NKAIN3: variants seen among roughly 807,000 people sequenced by gnomAD.
NKAIN3 encodes sodium/potassium-transporting ATPase subunit beta-1-interacting protein 3.
Under a neutral mutation model 30.2 loss-of-function variants are expected in NKAIN3, and 25 were observed. The ratio of observed to expected loss-of-function variants is 0.83; its 90% CI spans 0.60 to 1.16. NKAIN3 has a LOEUF of 1.16. NKAIN3 is among the 50% of genes most tolerant of loss of function. The probability of loss-of-function intolerance (pLI) is 0.00; values close to 1 mark genes in which losing one functional copy is unlikely to be tolerated. For synonymous variants in NKAIN3, 91 were observed against 89.6 expected (o/e 1.02, Z -0.09); for missense variants, 225 against 254.1 (o/e 0.89, Z 0.78).
intron 4 of NKAIN3, among the ~76,000 whole-genome samples, chr8:62,829,650 AT>A (rs1232923363): frequency 6.6e-6 from 1 of 152,158 alleles, no homozygotes; most frequent in Non-Finnish European, 1.5e-5. Flanking sequence ...CTGTGATTTT[AT>A]GATTTTTGAC....
chr8:62,528,350 T>TTATATA (rs56144773), intron 1 of NKAIN3, among the ~76,000 whole-genome samples: 1 of 137,396 alleles, frequency 7.3e-6, no homozygotes. Flanking sequence ...AATATATATA[T>TTATATA]ATATGACTTT....
At chr8:62,653,682 G>A (rs1545793) in intron 3 of NKAIN3, among the ~76,000 whole-genome samples, 71,728 of 151,986 alleles carry the variant, frequency 0.47, 19,598 homozygotes, top group African/African-American at 0.76. Context: ...GGATGGCATC[G>A]AAGCAGGGTC....
chr8:62,920,251 G>C (rs1358872201), intron 5 of NKAIN3, among the ~76,000 whole-genome samples: 1 of 152,140 alleles, frequency 6.6e-6, no homozygotes, highest in Non-Finnish European at 1.5e-5. Flanking sequence ...ACCTACTTTT[G>C]AGTAGTTATC....
At chr8:62,353,081 A>G (rs1816232459) in intron 1 of NKAIN3, among the ~76,000 whole-genome samples, 1 of 152,180 alleles carries the variant, frequency 6.6e-6, no homozygotes, top group Non-Finnish European at 1.5e-5. Context: ...AAAACTACAA[A>G]GCCTCAGTGT....
At chr8:62,672,879 C>T (rs1444579288) in intron 3 of NKAIN3, among the ~76,000 whole-genome samples, 1 of 152,014 alleles carries the variant, frequency 6.6e-6, no homozygotes, top group Non-Finnish European at 1.5e-5. Flanking sequence ...TCCTATATAC[C>T]ATGTAAATGT....
intron 1 of NKAIN3, among the ~76,000 whole-genome samples, chr8:62,574,989 A>G (rs1810065058): frequency 6.6e-6 from 1 of 152,124 alleles, no homozygotes. Context: ...TAAAAGCCAT[A>G]TACAATGGAC....
At chr8:62,408,873 C>A (rs1359918451) in intron 1 of NKAIN3, among the ~76,000 whole-genome samples, 1 of 152,112 alleles carries the variant, frequency 6.6e-6, no homozygotes, top group Non-Finnish European at 1.5e-5. Flanking sequence ...CCATTAGTCA[C>A]AAATTAGTCA....
Position 62,345,472 on chromosome 8 carries a change from T to C in NKAIN3, c.54+96345T>C, listed in dbSNP as rs897672439. On this transcript the variant is annotated intron_variant, in intron 1 of 6. Transcript: ENST00000623646. ...ACACATATGTATATATACACATATA[T>C]ACACATATATGTATATATACACACA... 2.3e-4 allele frequency among the ~76,000 whole-genome samples: 28 copies of C among 123,828 alleles called. 2 individuals are homozygous for C. The highest frequency in any genetic ancestry group is 7.0e-4 in the East Asian group (3 of 4,266). The allele number at this position is 123,828 out of a possible 152,430, so 81.2% of individuals were successfully genotyped here.
intron 3 of NKAIN3, among the ~76,000 whole-genome samples, chr8:62,598,548 G>A (rs968973146): frequency 6.6e-6 from 1 of 152,034 alleles, no homozygotes; most frequent in Non-Finnish European, 1.5e-5. Flanking sequence ...CAGACATCCT[G>A]GTATAAGAGG....
At chr8:62,329,941 G>A (rs999988270) in intron 1 of NKAIN3, among the ~76,000 whole-genome samples, 4 of 152,058 alleles carry the variant, frequency 2.6e-5, no homozygotes, top group African/African-American at 9.7e-5. Flanking sequence ...TACTAGCTCA[G>A]TGAAACTGGT....
At chr8:62,510,651 G>A (rs1807789121) in intron 1 of NKAIN3, among the ~76,000 whole-genome samples, 1 of 152,176 alleles carries the variant, frequency 6.6e-6, no homozygotes, top group South Asian at 2.1e-4. Flanking sequence ...GAATGTGGAA[G>A]TGAATAAGAA....
chr8:62,498,946 C>T (rs1470703436), intron 1 of NKAIN3, among the ~76,000 whole-genome samples: 1 of 152,140 alleles, frequency 6.6e-6, no homozygotes, highest in Non-Finnish European at 1.5e-5. Context: ...TTATTTATAT[C>T]TGATAAGAGT....
At chr8:62,930,545 C>T (rs1418000543) in intron 5 of NKAIN3, among the ~76,000 whole-genome samples, 8 of 152,072 alleles carry the variant, frequency 5.3e-5, no homozygotes, top group African/African-American at 1.7e-4. Context: ...TGAGTCACAG[C>T]GACCTGCCCT....
At chr8:62,814,151 T>A (rs1333574131) in intron 4 of NKAIN3, among the ~76,000 whole-genome samples, 1 of 152,074 alleles carries the variant, frequency 6.6e-6, no homozygotes, top group Non-Finnish European at 1.5e-5. Flanking sequence ...CGTAAGAATC[T>A]TTTAGCTTCC....
intron 4 of NKAIN3, among the ~76,000 whole-genome samples, chr8:62,779,742 A>G (rs533237121): frequency 6.6e-6 from 1 of 152,302 alleles, no homozygotes; most frequent in Admixed American, 6.5e-5. Flanking sequence ...AAATTTATAA[A>G]GTTCAAAATT....
chr8:62,314,723 C>A (rs893024421), intron 1 of NKAIN3, among the ~76,000 whole-genome samples: 2 of 152,054 alleles, frequency 1.3e-5, no homozygotes, highest in African/African-American at 4.8e-5. Flanking sequence ...TTTGAGATGC[C>A]CTTGTGGTGT....
At chr8:62,735,426 A>G (rs1367748952) in intron 3 of NKAIN3, among the ~76,000 whole-genome samples, 3 of 141,964 alleles carry the variant, frequency 2.1e-5, no homozygotes, top group South Asian at 2.2e-4. Context: ...TACTTGTTCA[A>G]TTCTATTGCT....
intron 1 of NKAIN3, among the ~76,000 whole-genome samples, chr8:62,380,001 C>G (rs531269662): frequency 6.6e-6 from 1 of 152,046 alleles, no homozygotes; most frequent in Non-Finnish European, 1.5e-5. Context: ...TATCTCATGT[C>G]TGAGGCAATT....
chr8:62,674,102 G>A (rs1416733640), intron 3 of NKAIN3, among the ~76,000 whole-genome samples: 1 of 152,192 alleles, frequency 6.6e-6, no homozygotes, highest in East Asian at 1.9e-4. Flanking sequence ...AACTACTGGG[G>A]TAGAGAATAA....
Sources: allele counts gnomAD v4.1 joint callset (sites outside exome capture counted in the v4.1 genomes callset), GRCh38; gene constraint gnomAD v4.1.1; transcripts MANE v1.5; gene names NCBI Gene and HGNC (gene_info 2026-07-23, HGNC 2026-07-21).